Variants in NCOR1 observed in about 807,000 individuals in gnomAD.
The protein encoded by NCOR1 is nuclear receptor corepressor 1.
A neutral mutation model predicts 288.1 loss-of-function variants in NCOR1; 63 were observed. That is an observed-to-expected ratio of 0.22 (90% confidence interval 0.18 to 0.27). The LOEUF (loss-of-function observed/expected upper bound fraction) is 0.27. NCOR1 is among the 10% of genes least tolerant of loss of function. NCOR1 has a pLI of 1.00. For missense variants in NCOR1, 2,397 were observed against 3,019.2 expected (o/e 0.79, Z 4.83); for synonymous variants, 1,007 against 1,065.9 (o/e 0.94, Z 1.08).
At chr17:16,075,421 T>C (rs2062320332) in intron 27 of NCOR1, 113 bp downstream of exon 27, 3 of 1,180,200 alleles carry the variant, frequency 2.5e-6, no homozygotes, top group Admixed American at 2.2e-5. Flanking sequence ...AGAGAAAACA[T>C]AGGCTCAGCA....
intron 40 of NCOR1, among the ~76,000 whole-genome samples, chr17:16,050,294 C>T (rs985147274): frequency 6.6e-6 from 1 of 151,788 alleles, no homozygotes; most frequent in Non-Finnish European, 1.5e-5. Flanking sequence ...ACGATCTTGG[C>T]TCACTATAAC....
At chr17:16,050,298 C>G (rs1004411761) in intron 40 of NCOR1, among the ~76,000 whole-genome samples, 3 of 151,868 alleles carry the variant, frequency 2.0e-5, no homozygotes, top group African/African-American at 7.3e-5. Flanking sequence ...TCTTGGCTCA[C>G]TATAACCTCC....
At chr17:16,036,534 G>C (rs1273251245) in intron 44 of NCOR1, among the ~76,000 whole-genome samples, 1 of 152,214 alleles carries the variant, frequency 6.6e-6, no homozygotes, top group Non-Finnish European at 1.5e-5. Flanking sequence ...TGGAAGATCT[G>C]TTGTTTAATG....
intron 14 of NCOR1, among the ~76,000 whole-genome samples, chr17:16,131,168 T>A (rs1025984201): frequency 7.9e-5 from 12 of 151,730 alleles, no homozygotes; most frequent in African/African-American, 2.4e-5. Context: ...ATTTTTTAAT[T>A]TTTTTGTAGA....
chr17:16,078,764 C>T (rs370527624), intron 26 of NCOR1, among the ~76,000 whole-genome samples: 1 of 152,118 alleles, frequency 6.6e-6, no homozygotes, highest in East Asian at 1.9e-4. Context: ...TTAGTAGAGA[C>T]GGGGTTTCAC....
intron 6 of NCOR1, among the ~76,000 whole-genome samples, chr17:16,155,994 TAAGA>T (rs1450344997): frequency 2.6e-5 from 4 of 152,072 alleles, no homozygotes; most frequent in Middle Eastern, 3.4e-3. Flanking sequence ...AAAACATACA[TAAGA>T]AAGAAAAGAT....
intron 40 of NCOR1, 186 bp downstream of exon 40, chr17:16,057,328 G>C: frequency 1.6e-6 from 1 of 607,752 alleles, no homozygotes; most frequent in East Asian, 2.8e-5. Flanking sequence ...AAAAGTCATA[G>C]TACCAAATGC....
chr17:16,059,049 C>CAAAAA (rs57820388), intron 37 of NCOR1, among the ~76,000 whole-genome samples: 9 of 17,458 alleles, frequency 5.2e-4, no homozygotes, highest in African/African-American at 1.1e-3. Flanking sequence ...AACTCCGTCT[C>CAAAAA]AAAAAAAAAA....
chr17:16,167,587 C>T (rs894329946), intron 4 of NCOR1, among the ~76,000 whole-genome samples: 1 of 151,952 alleles, frequency 6.6e-6, no homozygotes, highest in Non-Finnish European at 1.5e-5. Flanking sequence ...CCACTGGGCA[C>T]GATGGCTCAC....
At chr17:16,123,051 A>C (rs2073316930) in intron 15 of NCOR1, among the ~76,000 whole-genome samples, 3 of 152,144 alleles carry the variant, frequency 2.0e-5, no homozygotes, top group Non-Finnish European at 4.4e-5. Flanking sequence ...CTCACACCCC[A>C]ACTCCAAAGA....
chr17:16,043,511 A>C (rs2058112891), intron 42 of NCOR1, among the ~76,000 whole-genome samples: 1 of 152,256 alleles, frequency 6.6e-6, no homozygotes, highest in African/African-American at 2.4e-5. Flanking sequence ...AGCTTCAGAG[A>C]ATAGAGACCA....
chr17:16,075,503 A>G (rs2062333644), intron 27 of NCOR1, 31 bp downstream of exon 27: 1 of 1,603,856 alleles, frequency 6.2e-7, no homozygotes. Flanking sequence ...ATATTGTAAT[A>G]CTGGCTTTGG....
rs968185199 is a variant in NCOR1, at chr17:16,067,520, A to G, written c.4741+374T>C. On this transcript the variant is annotated intron_variant, in intron 32 of 45. Transcript: ENST00000268712. ...TGAGACTTAATCACTTGTTTATGAA[A>G]AAGCCTTGGCATTAGATCAGAGTTC... Among the ~76,000 whole-genome samples the G allele has an allele frequency of 3.3e-5, 5 of 152,378 alleles. No individual in the cohort carries two copies. In the East Asian group the frequency reaches 9.6e-4, roughly 29 times the overall value.
intron 5 of NCOR1, among the ~76,000 whole-genome samples, chr17:16,160,946 TAATA>T (rs1319199297): frequency 3.9e-5 from 6 of 152,014 alleles, no homozygotes; most frequent in African/African-American, 1.5e-4. Flanking sequence ...AAAAAAATAA[TAATA>T]AATAGCCACC....
At position 16,061,831 on chromosome 17, in the gene NCOR1, A is replaced by G; in HGVS notation, c.5451T>C (p.Ala1817=). The G allele has an allele frequency of 6.2e-7, 1 of 1,614,206 alleles. No individual in the cohort carries two copies. Among genetic ancestry groups the G allele is most frequent in the Non-Finnish European group, 8.5e-7 (1 of 1,180,038 alleles). The change falls in exon 37 of 46, where the codon GCT becomes GCC. Residue 1817 remains alanine, a synonymous_variant. Coordinates refer to ENST00000268712, the MANE Select transcript of NCOR1 (RefSeq NM_006311.4). Reference sequence around the variant, plus strand: ...CCACAAGAGCAGCCAGGGCATCCGCAGCAGTGTTGTAACGGGAGGCTGGCA... The same window carrying G: ...CCACAAGAGCAGCCAGGGCATCCGCGGCAGTGTTGTAACGGGAGGCTGGCA... The part of the protein sequence containing the change: ...QGLPASRYNT[A]ADALAALVDA...
intron 2 of NCOR1, 105 bp downstream of exon 2, chr17:16,194,357 A>C: frequency 1.5e-6 from 1 of 656,968 alleles, no homozygotes; most frequent in Non-Finnish European, 2.4e-6. Flanking sequence ...AACTTAAAAA[A>C]AAAAAAGATA....
At chr17:16,040,579 A>C in intron 42 of NCOR1, 85 bp from the exon 43 acceptor site, 2 of 1,129,092 alleles carry the variant, frequency 1.8e-6, no homozygotes, top group Non-Finnish European at 2.6e-6. Flanking sequence ...CTATAATAAA[A>C]TTAATCTTTT....
At chr17:16,096,172 A>T (rs1195686380) in intron 21 of NCOR1, among the ~76,000 whole-genome samples, 1 of 152,228 alleles carries the variant, frequency 6.6e-6, no homozygotes, top group Non-Finnish European at 1.5e-5. Flanking sequence ...CTCAAGTACC[A>T]GGGACACAAA....
chr17:16,117,154 G>GA (rs1216759233), intron 18 of NCOR1, among the ~76,000 whole-genome samples: 8 of 152,120 alleles, frequency 5.3e-5, no homozygotes, highest in Middle Eastern at 3.4e-3. Context: ...TCTTCTCTCT[G>GA]AAAAAATGTC....
Sources: gnomAD v4.1 joint callset for allele counts (sites outside exome capture counted in the v4.1 genomes callset) on GRCh38, gnomAD v4.1.1 for gene constraint, MANE v1.5 for transcripts, NCBI Gene and HGNC (gene_info 2026-07-23, HGNC 2026-07-21) for gene names.